LCN1: variants seen among roughly 807,000 people sequenced by gnomAD.
The protein encoded by LCN1 is lipocalin-1.
LCN1 carries 25 observed loss-of-function variants against 22.3 expected under a neutral mutation model. The observed-to-expected ratio is 1.12, with a 90% CI of 0.82 to 1.56. The LOEUF (loss-of-function observed/expected upper bound fraction) is 1.56. Ranked by LOEUF, LCN1 falls within the 40% of genes most tolerant of loss-of-function variation. LCN1 has a pLI of 0.00. For synonymous variants in LCN1, 85 were observed against 97.6 expected (o/e 0.87, Z 0.76); for missense variants, 219 against 235.6 (o/e 0.93, Z 0.46).
At chr9:135,521,780 T>G (rs1588380222) in intron 1 of LCN1, among the ~76,000 whole-genome samples, 193 bp downstream of exon 1, 10 of 124,418 alleles carry the variant, frequency 8.0e-5, no homozygotes, top group African/African-American at 1.5e-4. Flanking sequence ...GGGTGCAGAG[T>G]GGGCAGGGCT....
At chr9:135,524,038 C>A (rs971147986) in intron 4 of LCN1, 48 bp downstream of exon 4, 2 of 1,416,732 alleles carry the variant, frequency 1.4e-6, no homozygotes, top group Non-Finnish European at 2.0e-6. Context: ...ACCTGCCCTC[C>A]CTCCTCCCTC....
rs766115848 is a variant in LCN1 at position 135,526,446 on chromosome 9, G to A, written c.*104G>A. ...AAAGCTCCCCACCCCTGCAGAACGC[G>A]GCTGGCTGCACCCCTTCCTACCACC... On this transcript the variant is annotated 3_prime_UTR_variant, in exon 7 of 7. Transcript: ENST00000371781. The A allele has an allele frequency of 1.6e-3, 2,040 of 1,285,476 alleles. 2 individuals are homozygous for A. Among genetic ancestry groups the A allele is most frequent in the Non-Finnish European group, 1.9e-3 (1,902 of 986,616 alleles). 79.6% of individuals were successfully genotyped at this position (1,285,476 alleles called of 1,614,324 possible).
At chr9:135,525,299 C>G (rs752198339) in intron 6 of LCN1, 141 bp downstream of exon 6, 6 of 808,194 alleles carry the variant, frequency 7.4e-6, no homozygotes, top group Non-Finnish European at 1.2e-5. Flanking sequence ...CAGGTGGGAG[C>G]TCTGCTCCTG....
At chr9:135,525,499 C>T (rs1434292285) in intron 6 of LCN1, among the ~76,000 whole-genome samples, 1 of 152,156 alleles carries the variant, frequency 6.6e-6, no homozygotes, top group African/African-American at 2.4e-5. Flanking sequence ...TCGGCCATGC[C>T]TGTGACTCCA....
chr9:135,522,288 T>C (rs111841855), intron 2 of LCN1, 111 bp downstream of exon 2: 49,230 of 1,426,670 alleles, frequency 0.035, 1,379 homozygotes, highest in African/African-American at 0.13. Flanking sequence ...CTGGGAGGCC[T>C]CTCTCGGCCC....
chr9:135,522,898 C>T (rs953936970), intron 2 of LCN1, among the ~76,000 whole-genome samples: 6 of 149,774 alleles, frequency 4.0e-5, no homozygotes, highest in South Asian at 2.1e-4. Context: ...ATGCAGCTGG[C>T]GGGATGAGGC....
At chr9:135,525,633 T>C (rs1378627996) in intron 6 of LCN1, among the ~76,000 whole-genome samples, 2 of 152,094 alleles carry the variant, frequency 1.3e-5, no homozygotes. Flanking sequence ...CAAGGTCACC[T>C]GCCCAGGTGT....
intron 4 of LCN1, 45 bp downstream of exon 4, chr9:135,524,035 C>G: frequency 7.1e-7 from 1 of 1,414,360 alleles, no homozygotes; most frequent in Non-Finnish European, 1.0e-6. Context: ...TCCACCTGCC[C>G]TCCCTCCTCC....
intron 6 of LCN1, among the ~76,000 whole-genome samples, chr9:135,525,861 T>C (rs988149863): frequency 1.0e-5 from 1 of 97,916 alleles, no homozygotes; most frequent in African/African-American, 4.0e-5. Context: ...AGAGCTCGCA[T>C]GTGCCCACCA....
chr9:135,524,818 T>C lies in LCN1; in HGVS notation c.404-12T>C. ...TGCCTCGAGCACCCACATCTCGTCC[T>C]GGCACCCACAGGCAGAGACCCCAAG... On this transcript the variant is annotated splice_polypyrimidine_tract_variant and intron_variant, in intron 4 of 6. Transcript: ENST00000371781. 1 of 1,591,548 alleles carries C rather than the reference T, an allele frequency of 6.3e-7. No homozygotes were observed. The highest frequency in any genetic ancestry group is 8.6e-7 in the Non-Finnish European group (1 of 1,169,322).
intron 2 of LCN1, among the ~76,000 whole-genome samples, chr9:135,522,718 T>C (rs1403747309): frequency 1.3e-5 from 2 of 152,180 alleles, no homozygotes; most frequent in Non-Finnish European, 1.5e-5. Context: ...CCCTCCTGAG[T>C]GGCATGCAGT....
At chr9:135,524,992 C>A in intron 5 of LCN1, 61 bp downstream of exon 5, 2 of 1,555,944 alleles carry the variant, frequency 1.3e-6, no homozygotes, top group Non-Finnish European at 1.8e-6. Flanking sequence ...AGCAGAGCTG[C>A]ATTGCACGGG....
At chr9:135,525,238 T>G in intron 6 of LCN1, 80 bp downstream of exon 6, 2 of 1,356,974 alleles carry the variant, frequency 1.5e-6, no homozygotes, top group Non-Finnish European at 2.1e-6. Context: ...ATGGGGTCTC[T>G]CCCACCCATC....
intron 4 of LCN1, among the ~76,000 whole-genome samples, chr9:135,524,503 A>G (rs1831580750): frequency 6.6e-6 from 1 of 152,172 alleles, no homozygotes; most frequent in Admixed American, 6.5e-5. Flanking sequence ...GGGTGTGCGA[A>G]TGACAGAGGA....
chr9:135,522,436 G>A (rs1416479638), intron 2 of LCN1, among the ~76,000 whole-genome samples: 5 of 152,264 alleles, frequency 3.3e-5, no homozygotes, highest in Non-Finnish European at 5.9e-5. Context: ...CCTCCGACTA[G>A]GGAATGTCTG....
Position 135,524,843 on chromosome 9 carries a change from G to A in LCN1, c.417G>A (p.Lys139=). The change falls in exon 5 of 7, where the codon AAG becomes AAA. Residue 139 remains lysine, a synonymous_variant. Transcript: ENST00000371781. ...TGGCACCCACAGGCAGAGACCCCAA[G>A]AACAACCTGGAAGCCTTGGAGGACT... ...RGVKLVGRDP[K]NNLEALEDFE... The A allele has an allele frequency of 6.2e-7, 1 of 1,605,170 alleles. No homozygotes were observed. The highest frequency in any genetic ancestry group is 1.3e-5 in the African/African-American group (1 of 74,696).
intron 6 of LCN1, among the ~76,000 whole-genome samples, chr9:135,525,644 G>T (rs1037938114): frequency 6.6e-6 from 1 of 152,056 alleles, no homozygotes; most frequent in Non-Finnish European, 1.5e-5. Context: ...GCCCAGGTGT[G>T]GGCAGAGCCA....
chr9:135,523,451 G>A lies in LCN1; in HGVS notation c.292+149G>A, dbSNP rs1418208642. The A allele has an allele frequency of 8.7e-6, 6 of 689,308 alleles. No homozygotes were observed. In the Admixed American group the frequency reaches 1.5e-4, roughly 17 times the overall value. The allele number at this position is 689,308 out of a possible 1,614,324, so 42.7% of individuals were successfully genotyped here. A position where few individuals can be genotyped will look rare whatever the true frequency, so the allele number is the denominator to read the frequency against. ...AAAAGCCCACTCTCTTCTCCCACTG[G>A]TCAATTTGCATTAGAGACTTGAACA... is the stretch of plus-strand genomic sequence containing the variant. On this transcript the variant is annotated intron_variant, in intron 3 of 6. Coordinates refer to ENST00000371781, the MANE Select transcript of LCN1 (RefSeq NM_002297.4).
At chr9:135,524,309 G>A (rs1332632920) in intron 4 of LCN1, among the ~76,000 whole-genome samples, 1 of 152,198 alleles carries the variant, frequency 6.6e-6, no homozygotes, top group Non-Finnish European at 1.5e-5. Context: ...CCTTGAGCGC[G>A]TTCCTGTGGG....
Sources: gnomAD v4.1 joint callset for allele counts (sites outside exome capture counted in the v4.1 genomes callset) on GRCh38, gnomAD v4.1.1 for gene constraint, MANE v1.5 for transcripts, NCBI Gene and HGNC (gene_info 2026-07-23, HGNC 2026-07-21) for gene names.